Variants in ANO4 observed in about 807,000 individuals in gnomAD.
The protein encoded by ANO4 is anoctamin 4, also known as anoctamin-4.
In ANO4, 69 loss-of-function variants were observed where a neutral mutation model predicts 141.9. The ratio of observed to expected loss-of-function variants is 0.49; its 90% CI spans 0.40 to 0.59. The LOEUF (loss-of-function observed/expected upper bound fraction) is 0.59, where lower values mean the gene tolerates loss of function less well. Ranked by LOEUF, ANO4 falls within the 20% of genes least tolerant of loss-of-function variation. The pLI, the probability that ANO4 is intolerant of heterozygous loss-of-function variation, is 0.00. For synonymous variants in ANO4, 350 were observed against 394.3 expected (o/e 0.89, Z 1.33); for missense variants, 894 against 1,162.2 (o/e 0.77, Z 3.36).
chr12:100,970,581 T>A (rs970376903), intron 5 of ANO4, among the ~76,000 whole-genome samples: 4 of 152,104 alleles, frequency 2.6e-5, no homozygotes, highest in African/African-American at 9.7e-5. Flanking sequence ...CTCCCATAAC[T>A]GTTTCTGTCA....
chr12:100,824,603 C>T (rs567489401), intron 1 of ANO4, among the ~76,000 whole-genome samples: 70 of 152,112 alleles, frequency 4.6e-4, no homozygotes, highest in African/African-American at 1.6e-3. Context: ...AAATGTGACT[C>T]TGAATAATGC....
Position 101,097,847 on chromosome 12 carries a change from G to T in ANO4, c.1909-1G>T. On this transcript the variant is annotated splice_acceptor_variant, in intron 20 of 27. Coordinates refer to ENST00000392977, the MANE Select transcript of ANO4 (RefSeq NM_001286615.2). LOFTEE classifies it high-confidence loss of function. Reference sequence around the variant, plus strand: ...AATTTCTGTGTTTGCTTACCTTGCAGTGCCACCCTAGTGGATGCCTTATTG... The same window carrying T: ...AATTTCTGTGTTTGCTTACCTTGCATTGCCACCCTAGTGGATGCCTTATTG... 1 of 1,613,552 alleles carries T rather than the reference G, an allele frequency of 6.2e-7. No homozygotes were observed. Among genetic ancestry groups the T allele is most frequent in the Non-Finnish European group, 8.5e-7 (1 of 1,179,598 alleles).
At chr12:100,729,392 G>GAAAAAAAAAA (rs2031289316) in intron 1 of ANO4, among the ~76,000 whole-genome samples, 1 of 65,212 alleles carries the variant, frequency 1.5e-5, no homozygotes, top group Non-Finnish European at 3.6e-5. Flanking sequence ...AAAAAAAAAG[G>GAAAAAAAAAA]TAACACTAAT....
At chr12:100,768,984 A>C (rs1392915084) in intron 3 of ANO4, among the ~76,000 whole-genome samples, 1 of 152,202 alleles carries the variant, frequency 6.6e-6, no homozygotes, top group Non-Finnish European at 1.5e-5. Flanking sequence ...GATAGCATCT[A>C]ACATGTGAAA....
At chr12:100,771,880 C>A (rs2033315941) in intron 3 of ANO4, among the ~76,000 whole-genome samples, 1 of 152,210 alleles carries the variant, frequency 6.6e-6, no homozygotes, top group Admixed American at 6.5e-5. Flanking sequence ...GACTGCCATA[C>A]ATCATTTGTG....
chr12:100,787,005 CA>C (rs1270008935), intron 3 of ANO4, among the ~76,000 whole-genome samples: 1 of 152,130 alleles, frequency 6.6e-6, no homozygotes, highest in African/African-American at 2.4e-5. Flanking sequence ...CCTGAGGAAA[CA>C]TATAGTCTAG....
chr12:100,778,212 C>G (rs1169950085), intron 3 of ANO4, among the ~76,000 whole-genome samples: 1 of 152,136 alleles, frequency 6.6e-6, no homozygotes, highest in South Asian at 2.1e-4. Context: ...AGCCACTGCA[C>G]CCGGCCGATA....
At chr12:100,804,659 TG>T (rs1269364405) in intron 1 of ANO4, among the ~76,000 whole-genome samples, 2 of 152,220 alleles carry the variant, frequency 1.3e-5, no homozygotes, top group Non-Finnish European at 2.9e-5. Flanking sequence ...TGGCGTGAGA[TG>T]GTATTTCATT....
Position 100,780,959 on chromosome 12 carries a change from C to T in ANO4, c.358+40854C>T, listed in dbSNP as rs1293999394. ...TTAAGGCATTAATAATTTTAATATT[C>T]TGTCTTTTAAACTTCATTTGCCTGC... On this transcript the variant is annotated intron_variant, in intron 3 of 29. Transcript: ENST00000644049. 2.0e-5 allele frequency among the ~76,000 whole-genome samples: 3 copies of T among 152,156 alleles called. No homozygotes were observed. The East Asian group carries it at 5.8e-4, about 29-fold the overall frequency.
intron 4 of ANO4, among the ~76,000 whole-genome samples, chr12:100,941,204 CTTG>C (rs1215468969): frequency 6.7e-6 from 1 of 149,268 alleles, no homozygotes; most frequent in African/African-American, 2.5e-5. Context: ...AAATGTTTTT[CTTG>C]TTGTGGGTAA....
At chr12:100,902,104 T>C (rs1372917591) in intron 2 of ANO4, among the ~76,000 whole-genome samples, 1 of 152,136 alleles carries the variant, frequency 6.6e-6, no homozygotes. Context: ...GTGCATAAAC[T>C]CTTGCTCAGT....
intron 2 of ANO4, among the ~76,000 whole-genome samples, chr12:100,902,794 C>T (rs928182793): frequency 2.6e-5 from 4 of 152,218 alleles, no homozygotes; most frequent in African/African-American, 9.7e-5. Flanking sequence ...CATCATTCCC[C>T]ACTTTCCTCC....
chr12:101,098,037 C>A, intron 21 of ANO4, 92 bp downstream of exon 21: 1 of 1,094,632 alleles, frequency 9.1e-7, no homozygotes, highest in Non-Finnish European at 1.4e-6. Context: ...GCAGACTCAG[C>A]AGTTAAGCCA....
intron 2 of ANO4, among the ~76,000 whole-genome samples, chr12:100,911,266 C>T (rs1166413154): frequency 6.6e-6 from 1 of 152,122 alleles, no homozygotes; most frequent in Non-Finnish European, 1.5e-5. Flanking sequence ...GTTATACAGC[C>T]AGTAAATGGT....
intron 22 of ANO4, among the ~76,000 whole-genome samples, chr12:101,106,073 T>G (rs1270670619): frequency 6.6e-6 from 1 of 152,022 alleles, no homozygotes; most frequent in African/African-American, 2.4e-5. Flanking sequence ...GCCACTGCAC[T>G]CCAGCCTGGG....
At chr12:100,958,367 T>G (rs977931607) in intron 5 of ANO4, among the ~76,000 whole-genome samples, 3 of 152,204 alleles carry the variant, frequency 2.0e-5, no homozygotes, top group African/African-American at 4.8e-5. Flanking sequence ...GCTTCTTTCT[T>G]TCATTGATTC....
intron 15 of ANO4, among the ~76,000 whole-genome samples, chr12:101,082,976 T>A (rs1361286708): frequency 6.6e-6 from 1 of 152,226 alleles, no homozygotes; most frequent in Non-Finnish European, 1.5e-5. Flanking sequence ...AGTCAGAAGC[T>A]TTTCACATTC....
intron 9 of ANO4, among the ~76,000 whole-genome samples, chr12:101,032,781 C>G (rs1464011016): frequency 4.0e-5 from 6 of 151,350 alleles, no homozygotes; most frequent in African/African-American, 1.5e-4. Flanking sequence ...TCATCTCACA[C>G]CAGTTAGAAT....
At chr12:100,997,195 G>A (rs773786025) in intron 8 of ANO4, among the ~76,000 whole-genome samples, 31 of 151,958 alleles carry the variant, frequency 2.0e-4, no homozygotes, top group South Asian at 8.3e-4. Flanking sequence ...TTAGCTAGGC[G>A]TGGTTGCGCG....
Sources: allele counts gnomAD v4.1 joint callset (sites outside exome capture counted in the v4.1 genomes callset), GRCh38; gene constraint gnomAD v4.1.1; transcripts MANE v1.5; gene names NCBI Gene and HGNC (gene_info 2026-07-23, HGNC 2026-07-21).